Variants in AIM2 observed in about 807,000 individuals in gnomAD.
The protein encoded by AIM2 is absent in melanoma 2.
A neutral mutation model predicts 27.7 loss-of-function variants in AIM2; 30 were observed. That is an observed-to-expected ratio of 1.08 (90% confidence interval 0.81 to 1.47). The LOEUF is 1.47. Ranked by LOEUF, AIM2 falls within the 40% of genes most tolerant of loss-of-function variation. AIM2 has a pLI of 0.00. For missense variants in AIM2, 358 were observed against 411.3 expected, an observed-to-expected ratio of 0.87 and a Z score of 1.12; for synonymous variants, 141 against 145.3, an observed-to-expected ratio of 0.97 and a Z score of 0.21.
intron 2 of AIM2, among the ~76,000 whole-genome samples, chr1:159,069,720 T>C (rs1557893343): frequency 6.6e-6 from 1 of 152,106 alleles, no homozygotes; most frequent in South Asian, 2.1e-4. Flanking sequence ...TTTTTGTATT[T>C]TTTTAGTAAA....
intron 1 of AIM2, among the ~76,000 whole-genome samples, chr1:159,099,764 A>T (rs1353448633): frequency 6.6e-6 from 1 of 152,206 alleles, no homozygotes; most frequent in Admixed American, 6.5e-5. Context: ...CTTGGCTTTC[A>T]GGCCTAACCT....
chr1:159,094,699 G>A (rs543676647), intron 1 of AIM2, among the ~76,000 whole-genome samples: 4 of 151,986 alleles, frequency 2.6e-5, no homozygotes, highest in African/African-American at 7.2e-5. Context: ...CTCTGTCTCC[G>A]AAGAAAAAAT....
chr1:159,146,687 C>G (rs1361343827), intron 1 of AIM2, among the ~76,000 whole-genome samples: 3 of 152,104 alleles, frequency 2.0e-5, no homozygotes, highest in African/African-American at 7.2e-5. Flanking sequence ...ACTCATTGTT[C>G]CCAGTCTTCC....
At chr1:159,066,993 G>C (rs1427741163) in intron 3 of AIM2, among the ~76,000 whole-genome samples, 1 of 151,900 alleles carries the variant, frequency 6.6e-6, no homozygotes, top group Non-Finnish European at 1.5e-5. Context: ...CTTATTATTT[G>C]AAATTATAAA....
chr1:159,085,637 G>A lies in AIM2; in HGVS notation c.-15-19308C>T, dbSNP rs182521513. The stretch of plus-strand genomic sequence containing the variant: ...GGGCAGCATCCAAATACAGATGGCA[G>A]CTGATGCTGCAGAACAGGATGAGAC... On this transcript the variant is annotated intron_variant, in intron 1 of 2. Coordinates refer to the AIM2 transcript ENST00000368129. Among the ~76,000 whole-genome samples, 34 of 152,342 alleles carry A rather than the reference G, an allele frequency of 2.2e-4. No homozygotes were observed. The East Asian group carries it at 6.0e-3, about 27-fold the overall frequency.
At chr1:159,098,319 C>T (rs1295096589) in intron 1 of AIM2, among the ~76,000 whole-genome samples, 2 of 152,200 alleles carry the variant, frequency 1.3e-5, no homozygotes, top group African/African-American at 4.8e-5. Context: ...CAGACAGTCC[C>T]TTACCTCATA....
upstream of AIM2, among the ~76,000 whole-genome samples, chr1:159,143,905 T>C (rs1222120212): frequency 6.6e-6 from 1 of 152,176 alleles, no homozygotes; most frequent in African/African-American, 2.4e-5. Flanking sequence ...GAAACATGTA[T>C]GGGAGAAAAG....
chr1:159,092,507 C>T lies in AIM2; in HGVS notation c.-15-26178G>A, dbSNP rs111953006. ...CTTATTTTCTGAGGACAAGGAAGAA[C>T]ACGGTGAAGGGTAAGGTGGGAGAGG... On this transcript the variant is annotated intron_variant, in intron 1 of 2. Coordinates refer to the AIM2 transcript ENST00000368129. Among the ~76,000 whole-genome samples, 458 of 152,200 alleles carry T rather than the reference C, an allele frequency of 3.0e-3. 4 individuals are homozygous for T. The highest frequency in any genetic ancestry group is 0.01 in the African/African-American group (426 of 41,504).
chr1:159,101,834 C>T lies in AIM2; in HGVS notation c.-15-35505G>A, dbSNP rs139836691. On this transcript the variant is annotated intron_variant, in intron 1 of 2. Transcript: ENST00000368129. ...TCTGGTGGGAGAAATTTCTAAGTGG[C>T]AAAGTGTTCAAGAGGAAGCAGAGCA... Among the ~76,000 whole-genome samples the T allele has an allele frequency of 3.8e-3, 571 of 152,164 alleles. 5 individuals carry two copies. Among genetic ancestry groups the T allele is most frequent in the African/African-American group, 0.013 (554 of 41,526 alleles).
chr1:159,130,107 A>G (rs766470376), intron 1 of AIM2, among the ~76,000 whole-genome samples: 2 of 152,154 alleles, frequency 1.3e-5, no homozygotes, highest in Non-Finnish European at 2.9e-5. Context: ...CTTTTTTAAA[A>G]GCATCTGTTC....
chr1:159,133,593 T>A (rs1647951015), intron 1 of AIM2, among the ~76,000 whole-genome samples: 1 of 152,182 alleles, frequency 6.6e-6, no homozygotes, highest in African/African-American at 2.4e-5. Flanking sequence ...AAAACAGCTA[T>A]CACCCTTGAC....
At chr1:159,130,800 CCACACACACA>C (rs10557540) in intron 1 of AIM2, among the ~76,000 whole-genome samples, 52,243 of 145,034 alleles carry the variant, frequency 0.36, 10,623 homozygotes, top group Admixed American at 0.46. Flanking sequence ...AGCCTGGTCA[CCACACACACA>C]CACACACACA....
chr1:159,061,582 T>G (rs1655838984), downstream of AIM2, among the ~76,000 whole-genome samples: 1 of 147,774 alleles, frequency 6.8e-6, no homozygotes, highest in Non-Finnish European at 1.5e-5. Flanking sequence ...TTTTTTTTTT[T>G]TTAGTAGAGA....
At chr1:159,056,728 A>AC in the AIM2 span, among the ~76,000 whole-genome samples, 12 of 134,294 alleles carry the variant, frequency 8.9e-5, no homozygotes, top group South Asian at 2.3e-4. Context: ...AAAAAAAAAA[A>AC]AAAAAAAAAA....
intron 3 of AIM2, 36 bp from the exon 4 acceptor site, chr1:159,066,365 CA>C: frequency 1.3e-6 from 2 of 1,569,702 alleles, no homozygotes; most frequent in East Asian, 2.2e-5. Flanking sequence ...AGCTGTGAGT[CA>C]AAAAGGTACT....
At chr1:159,144,149 C>G (rs556303373), upstream of AIM2, among the ~76,000 whole-genome samples, 2 of 152,084 alleles carry the variant, frequency 1.3e-5, no homozygotes, top group Non-Finnish European at 2.9e-5. Flanking sequence ...GAGTGTTTGT[C>G]CCCTTTCTTC....
intron 1 of AIM2, among the ~76,000 whole-genome samples, chr1:159,126,760 A>G (rs1271960957): frequency 6.6e-6 from 1 of 152,176 alleles, no homozygotes. Context: ...TCCCAAGTGT[A>G]TAATCTGAAA....
intron 1 of AIM2, among the ~76,000 whole-genome samples, chr1:159,115,467 T>C (rs970974273): frequency 5.9e-5 from 9 of 152,158 alleles, no homozygotes; most frequent in African/African-American, 1.9e-4. Flanking sequence ...AACAGCATGG[T>C]ACTGGTACAA....
At chr1:159,142,311 A>G (rs59289261), upstream of AIM2, among the ~76,000 whole-genome samples, 5 of 152,246 alleles carry the variant, frequency 3.3e-5, no homozygotes, top group African/African-American at 1.2e-4. Flanking sequence ...ATGTTCCTTC[A>G]GCATCTTCAC....
Sources: gnomAD v4.1 joint callset for allele counts (sites outside exome capture counted in the v4.1 genomes callset) on GRCh38, gnomAD v4.1.1 for gene constraint, MANE v1.5 for transcripts, NCBI Gene and HGNC (gene_info 2026-07-23, HGNC 2026-07-21) for gene names.